Variants in TMEM117 observed in about 807,000 individuals in gnomAD.
TMEM117 encodes the protein transmembrane protein 117.
TMEM117 carries 27 observed loss-of-function variants against 52.4 expected under a neutral mutation model. That is an observed-to-expected ratio of 0.51 (90% CI 0.38 to 0.71). The LOEUF (loss-of-function observed/expected upper bound fraction) is 0.71. Among genes scored for constraint, TMEM117 ranks in the 30% least tolerant of loss-of-function variants. The pLI, the probability that TMEM117 is intolerant of heterozygous loss-of-function variation, is 0.00. For synonymous variants in TMEM117, 215 were observed against 206.3 expected, an observed-to-expected ratio of 1.04 and a Z score of -0.36; for missense variants, 556 against 630.5, an observed-to-expected ratio of 0.88 and a Z score of 1.26.
the TMEM117 span, among the ~76,000 whole-genome samples, chr12:43,813,977 A>G: frequency 3.3e-5 from 5 of 152,038 alleles, no homozygotes; most frequent in Admixed American, 3.3e-4. Flanking sequence ...AAAGATCCCT[A>G]GTAGATTTTC....
chr12:44,114,104 G>C (rs796484048), intron 3 of TMEM117, among the ~76,000 whole-genome samples: 36 of 149,696 alleles, frequency 2.4e-4, no homozygotes, highest in African/African-American at 8.7e-4. Context: ...TGCGCCCACT[G>C]TCTGGCACTC....
Position 44,388,898 on chromosome 12 carries a change from A to C in TMEM117, c.*226A>C, listed in dbSNP as rs1304523480. 1 of 530,642 alleles carries C rather than the reference A, an allele frequency of 1.9e-6. No homozygotes were observed. The highest frequency in any genetic ancestry group is 1.9e-5 in the African/African-American group (1 of 52,574). The allele number at this position is 530,642 out of a possible 1,614,324, so 32.9% of individuals were successfully genotyped here. A position where few individuals can be genotyped will look rare whatever the true frequency, so the allele number is the denominator to read the frequency against. On this transcript the variant is annotated 3_prime_UTR_variant, in exon 8 of 8. Transcript: ENST00000266534. Reference sequence around the variant, plus strand: ...CAGTCCTCTAGAGATTGCTTTTCACAATTGCACAAGCTATTACTGACTTTA... The same window carrying C: ...CAGTCCTCTAGAGATTGCTTTTCACCATTGCACAAGCTATTACTGACTTTA...
intron 3 of TMEM117, among the ~76,000 whole-genome samples, chr12:44,006,062 G>A (rs185205995): frequency 6.6e-6 from 1 of 152,126 alleles, no homozygotes; most frequent in African/African-American, 2.4e-5. Flanking sequence ...TAATACATAG[G>A]GTTGTAGCGG....
At chr12:44,385,723 C>T (rs1428699403) in intron 7 of TMEM117, among the ~76,000 whole-genome samples, 1 of 152,162 alleles carries the variant, frequency 6.6e-6, no homozygotes, top group African/African-American at 2.4e-5. Flanking sequence ...AAATATAAAG[C>T]TCCGACAACA....
At chr12:43,797,943 A>G in the TMEM117 span, 2 of 1,126,486 alleles carry the variant, frequency 1.8e-6, no homozygotes, top group East Asian at 2.5e-5. Flanking sequence ...AGCCCAACCT[A>G]TAATTAAAAT....
chr12:44,085,665 A>G (rs1160064482), intron 3 of TMEM117, among the ~76,000 whole-genome samples: 1 of 152,232 alleles, frequency 6.6e-6, no homozygotes, highest in Non-Finnish European at 1.5e-5. Flanking sequence ...GGTAGTTGCT[A>G]ATAATGCATT....
chr12:44,241,639 T>C (rs1019094152), intron 5 of TMEM117, among the ~76,000 whole-genome samples: 1 of 151,932 alleles, frequency 6.6e-6, no homozygotes, highest in East Asian at 1.9e-4. Context: ...TGTGCCTTTA[T>C]TTTTGTGTGT....
chr12:44,232,576 TTTTAAC>T (rs1949947140), intron 5 of TMEM117, among the ~76,000 whole-genome samples: 1 of 151,494 alleles, frequency 6.6e-6, no homozygotes, highest in Non-Finnish European at 1.5e-5. Context: ...GGTTCTTTAT[TTTTAAC>T]TTTAAGAATT....
intron 4 of TMEM117, among the ~76,000 whole-genome samples, chr12:44,190,929 T>C (rs1949343966): frequency 6.8e-6 from 1 of 147,652 alleles, no homozygotes; most frequent in Non-Finnish European, 1.5e-5. Context: ...TAGTAATATA[T>C]ATACTATATA....
At chr12:44,041,271 T>A (rs566216816) in intron 3 of TMEM117, among the ~76,000 whole-genome samples, 1 of 120,330 alleles carries the variant, frequency 8.3e-6, no homozygotes, top group East Asian at 2.6e-4. Context: ...CAGGCCCCAG[T>A]GTGTGATGTT....
intron 3 of TMEM117, among the ~76,000 whole-genome samples, chr12:44,056,987 C>CT (rs993818556): frequency 6.6e-6 from 1 of 152,078 alleles, no homozygotes; most frequent in African/African-American, 2.4e-5. Flanking sequence ...AGTCTCATGC[C>CT]TTTGAGTTGT....
chr12:43,906,462 C>CCAA (rs1944389794), intron 2 of TMEM117, among the ~76,000 whole-genome samples: 1 of 141,406 alleles, frequency 7.1e-6, no homozygotes, highest in East Asian at 2.1e-4. Context: ...GACGCTGTCT[C>CCAA]AAAAAAAAAA....
In TMEM117 at chr12:44,303,372, G is replaced by T. The variant is rs771396798; in HGVS notation, c.768+3633G>T. ...CTGGTATTGTAATTTTTTTTTAAAA[G>T]AAACCATTAGAATTTGGTGCTACTT... is the stretch of plus-strand genomic sequence containing the variant. On this transcript the variant is annotated intron_variant, in intron 6 of 7. Transcript: ENST00000266534. Among the ~76,000 whole-genome samples the T allele has an allele frequency of 4.4e-4, 67 of 152,160 alleles. 1 individual carries two copies. Among genetic ancestry groups the T allele is most frequent in the Admixed American group, 9.2e-4 (14 of 15,294 alleles).
rs995385159 is a variant in TMEM117, at chr12:44,037,872, C to A, written c.410+93530C>A. Among the ~76,000 whole-genome samples, 3 of 151,882 alleles carry A rather than the reference C, an allele frequency of 2.0e-5. No individual in the cohort carries two copies. In the East Asian group the frequency reaches 5.8e-4, roughly 30 times the overall value. ...TCTCCTCTCTGCTGAGAGAGGAGCA[C>A]TCCAGGGTCTCCTCTGCTGAGAGTT... On this transcript the variant is annotated intron_variant, in intron 3 of 7. Coordinates refer to ENST00000266534, the MANE Select transcript of TMEM117 (RefSeq NM_032256.3).
intron 4 of TMEM117, among the ~76,000 whole-genome samples, chr12:44,145,035 T>C (rs565900167): frequency 6.6e-6 from 1 of 152,174 alleles, no homozygotes; most frequent in East Asian, 1.9e-4. Flanking sequence ...CGGGCGCCTG[T>C]AGTCCCAGCT....
chr12:44,121,150 A>G (rs372051387), intron 3 of TMEM117, among the ~76,000 whole-genome samples: 3 of 152,292 alleles, frequency 2.0e-5, no homozygotes, highest in Non-Finnish European at 2.9e-5. Flanking sequence ...CATCATGGGA[A>G]AGACCTGCCT....
At chr12:43,799,188 A>G in the TMEM117 span, among the ~76,000 whole-genome samples, 1 of 152,126 alleles carries the variant, frequency 6.6e-6, no homozygotes, top group Non-Finnish European at 1.5e-5. Flanking sequence ...AGGAAAAGCT[A>G]TTTATAAAAT....
intron 6 of TMEM117, among the ~76,000 whole-genome samples, chr12:44,352,610 A>G (rs1209819926): frequency 2.0e-5 from 3 of 152,072 alleles, no homozygotes; most frequent in African/African-American, 7.2e-5. Context: ...CCATGTCCCT[A>G]CAAAGGACAT....
chr12:44,051,829 C>G (rs1160949443), intron 3 of TMEM117, among the ~76,000 whole-genome samples: 1 of 152,162 alleles, frequency 6.6e-6, no homozygotes, highest in African/African-American at 2.4e-5. Context: ...TATATAATAA[C>G]AACTTCAAAA....
Sources: allele counts gnomAD v4.1 joint callset (sites outside exome capture counted in the v4.1 genomes callset), GRCh38; gene constraint gnomAD v4.1.1; transcripts MANE v1.5; gene names NCBI Gene and HGNC (gene_info 2026-07-23, HGNC 2026-07-21).